Variants in CFAP54 observed in about 807,000 individuals in gnomAD.
CFAP54 encodes the protein cilia and flagella associated protein 54.
A neutral mutation model predicts 370.4 loss-of-function variants in CFAP54; 290 were observed. The observed-to-expected ratio is 0.78, with a 90% CI of 0.71 to 0.86. The LOEUF is 0.86. CFAP54 is among the 40% of genes least tolerant of loss of function. The pLI is 0.00. For missense variants in CFAP54, 3,399 were observed against 3,528.7 expected (o/e 0.96, Z 0.93); for synonymous variants, 1,206 against 1,236.5 (o/e 0.98, Z 0.52).
intron 67 of CFAP54, among the ~76,000 whole-genome samples, chr12:96,873,433 T>C (rs771859784): frequency 6.6e-6 from 1 of 152,240 alleles, no homozygotes; most frequent in Non-Finnish European, 1.5e-5. Flanking sequence ...AAGGTGAGCT[T>C]CTGGCTCGAC....
At chr12:96,551,485 ATGTGTGTGTGTGTGTG>A (rs10582056) in intron 15 of CFAP54, among the ~76,000 whole-genome samples, 2 of 143,776 alleles carry the variant, frequency 1.4e-5, no homozygotes, top group Non-Finnish European at 3.0e-5. Context: ...TTGAATGGGT[ATGTGTGTGTGTGTGTG>A]TGTGTGTGTG....
Position 96,489,634 on chromosome 12 carries a change from A to G in CFAP54, c.25A>G (p.Ser9Gly). The change falls in exon 1 of 68, where the codon AGC becomes GGC. Residue 9 changes from serine to glycine, a missense_variant. This residue lies in a region of CFAP54 where 559 missense variants were observed against 576.7 expected (regional missense o/e 0.97). Transcript: ENST00000524981. ...TATGGCGGCGCAGGGCTCCCCCTCG[A>G]GCTCTCCGTCAGACGACTCTACCAC... MAAQGSPS[S>G]SPSDDSTTSG... is the part of the protein sequence containing the mutation. 6.6e-7 allele frequency: 1 copy of G among 1,526,514 alleles called. No individual in the cohort carries two copies. Among genetic ancestry groups the G allele is most frequent in the African/African-American group, 1.4e-5 (1 of 72,878 alleles). The allele number at this position is 1,526,514 out of a possible 1,614,324, so 94.6% of individuals were successfully genotyped here.
intron 32 of CFAP54, among the ~76,000 whole-genome samples, chr12:96,635,882 T>C (rs1956659385): frequency 6.6e-6 from 1 of 152,206 alleles, no homozygotes; most frequent in South Asian, 2.1e-4. Context: ...ACTGTCCCTG[T>C]GGAGTTGGGA....
intron 56 of CFAP54, 23 bp downstream of exon 56, chr12:96,753,921 A>G: frequency 6.3e-7 from 1 of 1,596,458 alleles, no homozygotes; most frequent in Non-Finnish European, 8.6e-7. Flanking sequence ...TGGGGTCAGA[A>G]CTATGATAAA....
At chr12:96,730,560 A>G (rs1957909303) in intron 50 of CFAP54, among the ~76,000 whole-genome samples, 3 of 152,232 alleles carry the variant, frequency 2.0e-5, no homozygotes, top group Non-Finnish European at 4.4e-5. Flanking sequence ...ATGAAACAAT[A>G]TAGTCACTGA....
chr12:96,826,963 C>CAATTATATATGATTATATATAATATGA, intron 65 of CFAP54, among the ~76,000 whole-genome samples: 1 of 122,888 alleles, frequency 8.1e-6, no homozygotes, highest in East Asian at 2.3e-4. Flanking sequence ...ATATAATATG[C>CAATTATATATGATTATATATAATATGA]AATTATATAT....
At chr12:96,514,504 A>G (rs753336585) in intron 5 of CFAP54, among the ~76,000 whole-genome samples, 24 of 152,358 alleles carry the variant, frequency 1.6e-4, no homozygotes, top group Middle Eastern at 3.4e-3. Context: ...ATTCAGTTCC[A>G]GATGATTTCC....
At chr12:96,736,646 A>G (rs1957983107) in intron 50 of CFAP54, among the ~76,000 whole-genome samples, 1 of 152,230 alleles carries the variant, frequency 6.6e-6, no homozygotes, top group African/African-American at 2.4e-5. Flanking sequence ...TTTAAAACTA[A>G]AAGGATTTTC....
chr12:96,807,881 T>C (rs758462419), intron 63 of CFAP54, among the ~76,000 whole-genome samples: 1 of 152,124 alleles, frequency 6.6e-6, no homozygotes, highest in Non-Finnish European at 1.5e-5. Context: ...CATGGACTCA[T>C]TGAGTCCTCA....
At chr12:96,782,952 G>T (rs1958594763) in intron 60 of CFAP54, among the ~76,000 whole-genome samples, 1 of 152,108 alleles carries the variant, frequency 6.6e-6, no homozygotes, top group Non-Finnish European at 1.5e-5. Flanking sequence ...TATATAAATT[G>T]TGGTATATTC....
At chr12:96,862,503 T>C (rs1221808180) in intron 67 of CFAP54, among the ~76,000 whole-genome samples, 1 of 152,062 alleles carries the variant, frequency 6.6e-6, no homozygotes, top group African/African-American at 2.4e-5. Flanking sequence ...TAGTACGCAT[T>C]TAATAAATAT....
chr12:96,664,245 C>A (rs927808305), intron 39 of CFAP54, among the ~76,000 whole-genome samples: 4 of 152,012 alleles, frequency 2.6e-5, no homozygotes, highest in Admixed American at 2.6e-4. Context: ...AGCTGTTAAG[C>A]CTAGGACCCA....
In CFAP54 at chr12:96,615,997, G is replaced by C. The variant is rs532472598; in HGVS notation, c.3640-5593G>C. ...AGAACTAGAAATACCATTTGACCCAGCCATCCCATTACTGGGTATATACCC... is the reference window on the plus strand; with the variant it reads ...AGAACTAGAAATACCATTTGACCCACCCATCCCATTACTGGGTATATACCC... On this transcript the variant is annotated intron_variant, in intron 26 of 67. Transcript: ENST00000524981. Among the ~76,000 whole-genome samples, 233 of 152,274 alleles carry C rather than the reference G, an allele frequency of 1.5e-3. 1 individual carries two copies. Among genetic ancestry groups the C allele is most frequent in the Admixed American group, 5.2e-3 (80 of 15,304 alleles).
rs546183084 is a variant in CFAP54 at position 96,817,611 on chromosome 12, G to A, written c.8958-164G>A. On this transcript the variant is annotated intron_variant, in intron 64 of 67. Transcript: ENST00000524981. ...AATTTTTTATATTTTTAGTAGAGACGGGGTTTCACCATGTTAGCCAGGATG... is the reference window on the plus strand; with the variant it reads ...AATTTTTTATATTTTTAGTAGAGACAGGGTTTCACCATGTTAGCCAGGATG... 7.2e-3 allele frequency among the ~76,000 whole-genome samples: 967 copies of A among 134,684 alleles called. 2 individuals carry two copies. The highest frequency in any genetic ancestry group is 0.01 in the Non-Finnish European group (617 of 59,800). 88.4% of individuals were successfully genotyped at this position (134,684 alleles called of 152,430 possible).
intron 17 of CFAP54, 22 bp from the exon 18 acceptor site, chr12:96,564,446 T>A: frequency 2.9e-6 from 2 of 687,450 alleles, no homozygotes; most frequent in Non-Finnish European, 5.3e-6. Flanking sequence ...TTAATTGTTA[T>A]GACAGTCGTC....
chr12:96,728,465 G>A (rs896495222), intron 50 of CFAP54, among the ~76,000 whole-genome samples: 13 of 151,884 alleles, frequency 8.6e-5, no homozygotes, highest in South Asian at 2.1e-4. Context: ...CCAGTTGATC[G>A]CATCAGCTCC....
chr12:96,701,008 C>T (rs966608694), intron 46 of CFAP54, among the ~76,000 whole-genome samples: 4 of 152,106 alleles, frequency 2.6e-5, no homozygotes, highest in African/African-American at 9.7e-5. Context: ...GAGTATTCCC[C>T]TAAAATGTAC....
intron 13 of CFAP54, among the ~76,000 whole-genome samples, chr12:96,539,152 C>G (rs999070920): frequency 6.8e-6 from 1 of 147,508 alleles, no homozygotes; most frequent in African/African-American, 2.5e-5. Flanking sequence ...CCTCTGCCTG[C>G]CGGGTTCAAG....
intron 27 of CFAP54, 102 bp downstream of exon 27, chr12:96,621,823 T>C (rs1956493782): frequency 2.5e-6 from 2 of 794,362 alleles, no homozygotes; most frequent in East Asian, 7.2e-5. Context: ...AAGTTTTACA[T>C]TTGTTATATT....
Sources: allele counts gnomAD v4.1 joint callset (sites outside exome capture counted in the v4.1 genomes callset), GRCh38; gene constraint gnomAD v4.1.1; regional missense constraint gnomAD v4.1.1; transcripts MANE v1.5; gene names NCBI Gene and HGNC (gene_info 2026-07-23, HGNC 2026-07-21).